SYCP2: variants seen among roughly 807,000 people sequenced by gnomAD.
The protein encoded by SYCP2 is synaptonemal complex protein 2, also known as synaptonemal complex lateral element protein.
A neutral mutation model predicts 211.3 loss-of-function variants in SYCP2; 55 were observed. That is an observed-to-expected ratio of 0.26 (90% CI 0.21 to 0.33). The LOEUF (loss-of-function observed/expected upper bound fraction) is 0.33, where lower values mean the gene tolerates loss of function less well. SYCP2 is among the 10% of genes least tolerant of loss of function. SYCP2 has a pLI of 1.00. For missense variants in SYCP2, 1,731 were observed against 1,752.0 expected (o/e 0.99, Z 0.21); for synonymous variants, 570 against 555.2 (o/e 1.03, Z -0.37).
In SYCP2 at chr20:59,922,445, AG is replaced by A; in HGVS notation, c.-33del. 4.1e-6 allele frequency: 6 copies of A among 1,479,042 alleles called. No homozygotes were observed. The highest frequency in any genetic ancestry group is 1.2e-5 in the South Asian group (1 of 80,282). The allele number at this position is 1,479,042 out of a possible 1,614,324, so 91.6% of individuals were successfully genotyped here. On this transcript the variant is annotated 5_prime_UTR_variant, in exon 3 of 45. Transcript: ENST00000357552. Reference sequence around the variant, plus strand: ...TTCATTTAAAAAAAAAAAAAAAGCAAGACAAAATAAACACCTATAAAAGAAA... The same window carrying A: ...TTCATTTAAAAAAAAAAAAAAAGCAAACAAAATAAACACCTATAAAAGAAA...
intron 14 of SYCP2, among the ~76,000 whole-genome samples, chr20:59,910,099 A>C (rs1330700188): frequency 6.6e-6 from 1 of 152,196 alleles, no homozygotes; most frequent in Non-Finnish European, 1.5e-5. Flanking sequence ...ACAGCCAGAG[A>C]CCAGGCCACA....
At chr20:59,917,291 G>A (rs1421827197) in intron 7 of SYCP2, among the ~76,000 whole-genome samples, 5 of 152,108 alleles carry the variant, frequency 3.3e-5, no homozygotes, top group Non-Finnish European at 7.4e-5. Context: ...TAAATGATGT[G>A]AGCCCCTTTT....
Position 59,891,936 on chromosome 20 carries a change from T to C in SYCP2, c.2364+54A>G, listed in dbSNP as rs150725021. 3.8e-3 allele frequency: 5,451 copies of C among 1,422,226 alleles called. 19 individuals are homozygous for C. Among genetic ancestry groups the C allele is most frequent in the Non-Finnish European group, 3.8e-3 (4,046 of 1,051,534 alleles). The allele number at this position is 1,422,226 out of a possible 1,614,324, so 88.1% of individuals were successfully genotyped here. A position where few individuals can be genotyped will look rare whatever the true frequency, so the allele number is the denominator to read the frequency against. ...AATCAAGTTTCTTTCTTTCTTATGT[T>C]ATCAAGTAGGCATCTTATGGATATG... is the stretch of plus-strand genomic sequence containing the variant. On this transcript the variant is annotated intron_variant, in intron 24 of 44. Transcript: ENST00000357552.
Position 59,891,933 on chromosome 20 carries a change from T to C in SYCP2, c.2364+57A>G, listed in dbSNP as rs1412732748. ...ATTAATCAAGTTTCTTTCTTTCTTATGTTATCAAGTAGGCATCTTATGGAT... is the reference window on the plus strand; with the variant it reads ...ATTAATCAAGTTTCTTTCTTTCTTACGTTATCAAGTAGGCATCTTATGGAT... On this transcript the variant is annotated intron_variant, in intron 24 of 44. Transcript: ENST00000357552. 6 of 1,400,256 alleles carry C rather than the reference T, an allele frequency of 4.3e-6. No homozygotes were observed. The African/African-American group carries it at 7.2e-5, about 17-fold the overall frequency. The allele number at this position is 1,400,256 out of a possible 1,614,324, so 86.7% of individuals were successfully genotyped here. A position where few individuals can be genotyped will look rare whatever the true frequency, so the allele number is the denominator to read the frequency against.
intron 2 of SYCP2, among the ~76,000 whole-genome samples, chr20:59,927,057 G>T (rs1370804859): frequency 1.3e-5 from 2 of 152,068 alleles, no homozygotes; most frequent in Non-Finnish European, 2.9e-5. Flanking sequence ...CCTTTCCATG[G>T]AAAACAGCTG....
chr20:59,924,003 T>C (rs186116205), intron 2 of SYCP2, among the ~76,000 whole-genome samples: 66 of 152,068 alleles, frequency 4.3e-4, no homozygotes, highest in African/African-American at 1.5e-3. Flanking sequence ...ACATATTGAC[T>C]ATTTTAAATT....
chr20:59,900,890 T>G (rs2060103857), intron 16 of SYCP2, 72 bp from the exon 17 acceptor site: 10 of 1,108,204 alleles, frequency 9.0e-6, no homozygotes, highest in South Asian at 1.4e-5. Flanking sequence ...GTCATTTTAT[T>G]TCCATTTAAT....
intron 31 of SYCP2, 28 bp from the exon 32 acceptor site, chr20:59,878,073 T>G: frequency 6.6e-7 from 1 of 1,525,148 alleles, no homozygotes. Flanking sequence ...AAGGTTAAAT[T>G]TTCACAGTAA....
At chr20:59,902,169 C>T (rs539830722) in intron 15 of SYCP2, among the ~76,000 whole-genome samples, 2 of 152,030 alleles carry the variant, frequency 1.3e-5, no homozygotes, top group Non-Finnish European at 2.9e-5. Context: ...AACTTTAATT[C>T]CATATAATTA....
In SYCP2 at chr20:59,882,162, T is replaced by C; in HGVS notation, c.2533A>G (p.Lys845Glu). ...TTTCTGTAGCTTTTTTTCTGAACTTTTTCCTGAAAAGAGGGTTATAAAAAA... is the reference window on the plus strand; with the variant it reads ...TTTCTGTAGCTTTTTTTCTGAACTTCTTCCTGAAAAGAGGGTTATAAAAAA... ...NKPVVQLSKE[K>E]VQKKSYRKLK... Residue 845 changes from lysine (K) to glutamate (E), a missense_variant, in exon 27 of 45, where the codon AAA becomes GAA. Transcript: ENST00000357552. 6.2e-7 allele frequency: 1 copy of C among 1,609,988 alleles called. No individual in the cohort carries two copies. Among genetic ancestry groups the C allele is most frequent in the Non-Finnish European group, 8.5e-7 (1 of 1,177,262 alleles).
chr20:59,888,664 A>G (rs1367492514), intron 24 of SYCP2, among the ~76,000 whole-genome samples: 1 of 152,066 alleles, frequency 6.6e-6, no homozygotes, highest in Non-Finnish European at 1.5e-5. Context: ...AATAAGACAG[A>G]AAAAGGAAAT....
intron 26 of SYCP2, among the ~76,000 whole-genome samples, chr20:59,883,585 A>G (rs2059726170): frequency 6.6e-6 from 1 of 152,038 alleles, no homozygotes; most frequent in Non-Finnish European, 1.5e-5. Context: ...GCTAAGTGAA[A>G]GAACCAGACA....
rs1306838071 is a variant in SYCP2 at position 59,896,452 on chromosome 20, C to T, written c.1481G>A (p.Ser494Asn). The T allele has an allele frequency of 1.3e-6, 2 of 1,597,570 alleles. No individual in the cohort carries two copies. Among genetic ancestry groups the T allele is most frequent in the Non-Finnish European group, 1.7e-6 (2 of 1,167,826 alleles). ...VSGADRYTMRSPVLFSNTSIP... is the reference protein window; with the variant it reads ...VSGADRYTMRNPVLFSNTSIP... ...ACATGTGTTGCTGAAAAGCACTGGA[C>T]TTCTCATAGTGTATCTATCTGCACC... is the stretch of plus-strand genomic sequence containing the variant. Residue 494 changes from serine to asparagine, a missense_variant, in exon 19 of 45, where the codon AGT becomes AAT. Physicochemically the swap from Ser to Asn is conservative, Grantham distance 46 (BLOSUM62 1). This residue lies in a region of SYCP2 where 1,387 missense variants were observed against 1,351.3 expected (regional missense o/e 1.03). Coordinates refer to ENST00000357552, the MANE Select transcript of SYCP2 (RefSeq NM_014258.4).
At chr20:59,876,367 C>A (rs1424408343) in intron 33 of SYCP2, among the ~76,000 whole-genome samples, 1 of 17,126 alleles carries the variant, frequency 5.8e-5, no homozygotes, top group South Asian at 3.3e-3. Context: ...GAGGCTGTGT[C>A]TCAAAAAAAA....
At chr20:59,915,713 T>C (rs2060426803) in intron 8 of SYCP2, 163 bp from the exon 9 acceptor site, 13 of 522,430 alleles carry the variant, frequency 2.5e-5, no homozygotes, top group Non-Finnish European at 3.7e-5. Context: ...AAGTATAAAA[T>C]AGGCCAGGCA....
At chr20:59,919,328 T>C (rs2060497868) in intron 6 of SYCP2, 146 bp from the exon 7 acceptor site, 1 of 670,014 alleles carries the variant, frequency 1.5e-6, no homozygotes, top group Non-Finnish European at 2.6e-6. Context: ...AACCATTTAA[T>C]TATATTTACC....
rs545217791 is a variant in SYCP2 at position 59,874,157 on chromosome 20, T to A, written c.3350-96A>T. On this transcript the variant is annotated intron_variant, in intron 34 of 44. Coordinates refer to ENST00000357552, the MANE Select transcript of SYCP2 (RefSeq NM_014258.4). ...ACGATTAATTTAAATTCTAAGAATT[T>A]GTCAGATCTTCAAATCTTAGCTATA... is the stretch of plus-strand genomic sequence containing the variant. 609 of 605,360 alleles carry A rather than the reference T, an allele frequency of 1.0e-3. 1 individual carries two copies. The highest frequency in any genetic ancestry group is 1.4e-3 in the Non-Finnish European group (528 of 383,214). 37.5% of individuals were successfully genotyped at this position (605,360 alleles called of 1,614,324 possible). A position where few individuals can be genotyped will look rare whatever the true frequency, so the allele number is the denominator to read the frequency against.
intron 44 of SYCP2, among the ~76,000 whole-genome samples, chr20:59,864,755 C>G (rs1341368622): frequency 6.6e-6 from 1 of 152,010 alleles, no homozygotes; most frequent in African/African-American, 2.4e-5. Flanking sequence ...ACATCTTGAT[C>G]CTGTACTATG....
chr20:59,897,187 CAT>C (rs2060025913), intron 18 of SYCP2, among the ~76,000 whole-genome samples: 1 of 151,844 alleles, frequency 6.6e-6, no homozygotes, highest in African/African-American at 2.4e-5. Flanking sequence ...TGACATACTG[CAT>C]AGAGGCATAA....
Sources: gnomAD v4.1 joint callset for allele counts (sites outside exome capture counted in the v4.1 genomes callset) on GRCh38, gnomAD v4.1.1 for gene constraint, gnomAD v4.1.1 regional missense constraint, MANE v1.5 for transcripts, NCBI Gene and HGNC (gene_info 2026-07-23, HGNC 2026-07-21) for gene names.